The following NDUFC1 variants were observed in gnomAD, a reference collection of about 807,000 sequenced individuals.
NDUFC1 encodes NADH dehydrogenase [ubiquinone] 1 subunit C1, mitochondrial.
A neutral mutation model predicts 11.6 loss-of-function variants in NDUFC1; 11 were observed. The ratio of observed to expected loss-of-function variants is 0.95; its 90% confidence interval spans 0.60 to 1.58. The LOEUF is 1.58. Among genes scored for constraint, NDUFC1 ranks in the 40% most tolerant of loss-of-function variants. NDUFC1 has a pLI of 0.00. For missense variants in NDUFC1, 112 were observed against 93.0 expected (o/e 1.20, Z -0.84); for synonymous variants, 52 against 42.2 (o/e 1.23, Z -0.90).
intron 1 of NDUFC1, among the ~76,000 whole-genome samples, chr4:139,298,677 C>CTT (rs35024958): frequency 2.6e-4 from 37 of 144,368 alleles, no homozygotes; most frequent in South Asian, 2.2e-3. Flanking sequence ...CTTTTATATT[C>CTT]TTTTTTTTTT....
In NDUFC1 at chr4:139,295,781, C is replaced by T; in HGVS notation, c.18G>A (p.Leu6=). The change falls in exon 3 of 6, where the codon TTG becomes TTA. Residue 6 remains leucine, a synonymous_variant. Coordinates refer to ENST00000394223, the MANE Select transcript of NDUFC1 (RefSeq NM_001184989.2). MAPSA[L]LRPLSRLLAP... ...CCAGCAGCCGGGAAAGGGGACGCAG[C>T]AAGGCGGACGGCGCCATCTTGCGTG... The T allele has an allele frequency of 6.5e-7, 1 of 1,549,020 alleles. No individual in the cohort carries two copies. The highest frequency in any genetic ancestry group is 8.7e-7 in the Non-Finnish European group (1 of 1,148,196).
At chr4:139,298,093 C>T (rs1745539784) in intron 1 of NDUFC1, among the ~76,000 whole-genome samples, 1 of 152,056 alleles carries the variant, frequency 6.6e-6, no homozygotes, top group Non-Finnish European at 1.5e-5. Flanking sequence ...AGAAAAAAAC[C>T]AACAACCTCC....
At chr4:139,297,518 A>G (rs899381769) in intron 1 of NDUFC1, 75 bp from the exon 2 acceptor site, 1 of 152,344 alleles carries the variant, frequency 6.6e-6, no homozygotes, top group East Asian at 1.9e-4. Context: ...GTTGCTTCAT[A>G]ACATTCATGT....
chr4:139,292,777 G>A (rs1317151253), intron 4 of NDUFC1, among the ~76,000 whole-genome samples, 168 bp from the exon 5 acceptor site: 1 of 151,648 alleles, frequency 6.6e-6, no homozygotes, highest in East Asian at 1.9e-4. Context: ...TCACCACAAT[G>A]TGACATCCTA....
intron 1 of NDUFC1, chr4:139,301,383 A>T (rs3806765): frequency 1.6e-4 from 67 of 418,394 alleles, no homozygotes; most frequent in Non-Finnish European, 2.7e-4. Context: ...CTCCACAGGC[A>T]GGCCAGCCTC....
chr4:139,301,344 T>C (rs999929084), intron 1 of NDUFC1: 10 of 404,494 alleles, frequency 2.5e-5, no homozygotes, highest in Non-Finnish European at 3.9e-5. Context: ...ACTGAAATGA[T>C]GGGCGGGGCC....
chr4:139,300,076 C>T (rs1745646616), intron 1 of NDUFC1, among the ~76,000 whole-genome samples: 1 of 152,104 alleles, frequency 6.6e-6, no homozygotes, highest in African/African-American at 2.4e-5. Context: ...GTGAATTTTG[C>T]AGGTTATTAC....
At chr4:139,296,030 G>A in intron 2 of NDUFC1, 70 bp from the exon 3 acceptor site, 1 of 506,856 alleles carries the variant, frequency 2.0e-6, no homozygotes, top group Non-Finnish European at 3.4e-6. Flanking sequence ...TCCTCTGGGG[G>A]TTTTTCACCC....
chr4:139,290,674 G>A (rs1745173772), intron 5 of NDUFC1, among the ~76,000 whole-genome samples: 1 of 150,444 alleles, frequency 6.6e-6, no homozygotes, highest in African/African-American at 2.4e-5. Context: ...ACTTATAAAA[G>A]GATTAATATA....
intron 1 of NDUFC1, chr4:139,301,741 C>T (rs572297484): frequency 4.2e-5 from 65 of 1,545,888 alleles, no homozygotes; most frequent in Middle Eastern, 3.4e-4. Flanking sequence ...ACTGACCGAG[C>T]CGGGTGGTGG....
intron 3 of NDUFC1, among the ~76,000 whole-genome samples, chr4:139,295,494 G>A (rs1560940842): frequency 1.3e-5 from 2 of 152,218 alleles, no homozygotes; most frequent in Admixed American, 6.5e-5. Flanking sequence ...AGGACCCAAA[G>A]TCCATTTACA....
Position 139,295,154 on chromosome 4 carries a change from G to C in NDUFC1, c.68-8C>G. The C allele has an allele frequency of 6.2e-7, 1 of 1,611,472 alleles. No individual in the cohort carries two copies. The highest frequency in any genetic ancestry group is 2.2e-5 in the East Asian group (1 of 44,868). ...ACTTTGATCGCACTGAAGCTGAAAG[G>C]GGAAGAGGGTCTGTAAATTTGTAAC... On this transcript the variant is annotated splice_polypyrimidine_tract_variant and splice_region_variant and intron_variant, in intron 3 of 5. Coordinates refer to ENST00000394223, the MANE Select transcript of NDUFC1 (RefSeq NM_001184989.2).
At chr4:139,294,896 T>A (rs1745390403) in intron 4 of NDUFC1, 147 bp downstream of exon 4, 2 of 564,644 alleles carry the variant, frequency 3.5e-6, no homozygotes, top group East Asian at 2.9e-5. Context: ...TATGGAAAAA[T>A]ACGTATCAGC....
intron 1 of NDUFC1, among the ~76,000 whole-genome samples, chr4:139,300,115 G>A (rs1745648030): frequency 6.6e-6 from 1 of 152,110 alleles, no homozygotes; most frequent in Non-Finnish European, 1.5e-5. Context: ...TGAATTATAA[G>A]CTTGTTCTTA....
intron 5 of NDUFC1, among the ~76,000 whole-genome samples, chr4:139,290,940 G>A (rs1745185146): frequency 6.6e-6 from 1 of 151,552 alleles, no homozygotes; most frequent in South Asian, 2.1e-4. Flanking sequence ...TCCCAAAGTA[G>A]CTGGGACTAC....
rs1372917425 is a variant in NDUFC1 at position 139,292,605 on chromosome 4, A to G, written c.176T>C (p.Ile59Thr). ...GTTVFLWIYL[I>T]KQHNEDILEY... is the part of the protein sequence containing the mutation. ...TAAAATATCTTCATTGTGTTGTTTG[A>G]TGAGCTACAAAGAGTTAAACAGTTA... Residue 59 changes from isoleucine (I) to threonine (T), a missense_variant, in exon 5 of 6, where the codon ATC becomes ACC. By Grantham distance (89) the Ile-to-Thr change is moderately conservative. Transcript: ENST00000394223. 10 of 1,557,352 alleles carry G rather than the reference A, an allele frequency of 6.4e-6. No individual in the cohort carries two copies. In the South Asian group the frequency reaches 1.2e-4, roughly 18 times the overall value.
intron 5 of NDUFC1, among the ~76,000 whole-genome samples, chr4:139,291,348 G>A (rs556903670): frequency 2.7e-4 from 41 of 151,920 alleles, no homozygotes; most frequent in South Asian, 8.3e-4. Flanking sequence ...AGGCCGAGGC[G>A]GGCAGATCAC....
At chr4:139,301,072 C>G (rs1745698416) in intron 1 of NDUFC1, 1 of 153,598 alleles carries the variant, frequency 6.5e-6, no homozygotes. Flanking sequence ...TGCGGTGAAG[C>G]TTTTTTCATT....
chr4:139,302,026 C>T (rs1014416746), intron 1 of NDUFC1: 8 of 496,826 alleles, frequency 1.6e-5, no homozygotes, highest in African/African-American at 1.6e-4. Flanking sequence ...GGACCACAGG[C>T]TTCTTCATTC....
Sources: allele counts gnomAD v4.1 joint callset (sites outside exome capture counted in the v4.1 genomes callset), GRCh38; gene constraint gnomAD v4.1.1; transcripts MANE v1.5; gene names NCBI Gene and HGNC (gene_info 2026-07-23, HGNC 2026-07-21).